PDE4B: variants seen among roughly 807,000 people sequenced by gnomAD.
The protein encoded by PDE4B is phosphodiesterase 4B.
In PDE4B, 20 loss-of-function variants were observed where a neutral mutation model predicts 82.2. The observed-to-expected ratio is 0.24, with a 90% confidence interval of 0.17 to 0.35. The LOEUF is 0.35. Ranked by LOEUF, PDE4B falls within the 10% of genes least tolerant of loss-of-function variation. The pLI is 1.00. For missense variants in PDE4B, 655 were observed against 907.2 expected (o/e 0.72, Z 3.57); for synonymous variants, 320 against 318.9 (o/e 1.00, Z -0.04).
intron 1 of PDE4B, among the ~76,000 whole-genome samples, chr1:65,899,783 G>A (rs1646951055): frequency 6.6e-6 from 1 of 151,742 alleles, no homozygotes; most frequent in Non-Finnish European, 1.5e-5. Context: ...CTCAGGAATG[G>A]AAAACCAAAC....
chr1:65,905,328 A>G (rs1157031047), intron 1 of PDE4B, among the ~76,000 whole-genome samples: 1 of 152,154 alleles, frequency 6.6e-6, no homozygotes, highest in African/African-American at 2.4e-5. Context: ...AAGACATGTT[A>G]TAGTGTAGGA....
At chr1:66,007,436 A>C (rs1323625783) in intron 3 of PDE4B, among the ~76,000 whole-genome samples, 1 of 151,984 alleles carries the variant, frequency 6.6e-6, no homozygotes, top group East Asian at 1.9e-4. Context: ...AGAACAAGAA[A>C]AACGAACAAA....
At chr1:65,949,183 T>G (rs1362610138) in intron 3 of PDE4B, among the ~76,000 whole-genome samples, 1 of 152,062 alleles carries the variant, frequency 6.6e-6, no homozygotes, top group Non-Finnish European at 1.5e-5. Context: ...CATAACAATA[T>G]CTCACATCAT....
rs1653447515 is a variant in PDE4B at position 66,026,598 on chromosome 1, A to G, written c.281+107763A>G. ...GTTTGTTGTGAGAATACCACAGGTT[A>G]ATATATAAAAGTTCTGAGGACTAGC... On this transcript the variant is annotated intron_variant, in intron 3 of 16. Coordinates refer to ENST00000341517, the MANE Select transcript of PDE4B (RefSeq NM_002600.4). 2.6e-5 allele frequency among the ~76,000 whole-genome samples: 4 copies of G among 152,230 alleles called. No individual in the cohort carries two copies. In the South Asian group the frequency reaches 8.3e-4, roughly 31 times the overall value.
rs140203850 is a variant in PDE4B, at chr1:66,324,769, G to C, written c.635-7739G>C. Among the ~76,000 whole-genome samples, 530 of 152,220 alleles carry C rather than the reference G, an allele frequency of 3.5e-3. 4 individuals carry two copies. The highest frequency in any genetic ancestry group is 0.012 in the African/African-American group (512 of 41,536). ...GTTCTGCCTAAAGAAAGGCTATATA[G>C]GGCTTGCAAACTTTGGTCTTGGAAG... On this transcript the variant is annotated intron_variant, in intron 7 of 16. Transcript: ENST00000341517.
At chr1:66,224,945 A>C (rs371093417) in intron 3 of PDE4B, among the ~76,000 whole-genome samples, 1 of 152,216 alleles carries the variant, frequency 6.6e-6, no homozygotes, top group African/African-American at 2.4e-5. Context: ...AGAAGAAATC[A>C]CAAGAGAGCT....
chr1:66,098,229 A>G (rs760855049), intron 3 of PDE4B, among the ~76,000 whole-genome samples: 2 of 152,096 alleles, frequency 1.3e-5, no homozygotes, highest in African/African-American at 2.4e-5. Context: ...ATCTCAGTGC[A>G]GCTCCTTCAT....
At chr1:66,366,037 A>G (rs1663219556) in intron 13 of PDE4B, among the ~76,000 whole-genome samples, 1 of 152,144 alleles carries the variant, frequency 6.6e-6, no homozygotes, top group Admixed American at 6.6e-5. Flanking sequence ...AGAATAATAG[A>G]TATGGAATTA....
At position 66,137,350 on chromosome 1, in the gene PDE4B, G is replaced by A. The variant is rs1298961513; in HGVS notation, c.282-110110G>A. On this transcript the variant is annotated intron_variant, in intron 3 of 16. Coordinates refer to ENST00000341517, the MANE Select transcript of PDE4B (RefSeq NM_002600.4). Reference sequence around the variant, plus strand: ...AGGGGTAGCTCATCCGCTGAAAAAGGAGAAGTGTGACATAAGCATGCATTT... The same window carrying A: ...AGGGGTAGCTCATCCGCTGAAAAAGAAGAAGTGTGACATAAGCATGCATTT... Among the ~76,000 whole-genome samples, 3 of 152,210 alleles carry A rather than the reference G, an allele frequency of 2.0e-5. No homozygotes were observed. The East Asian group carries it at 5.8e-4, about 29-fold the overall frequency.
At chr1:66,023,189 G>A (rs1466794338) in intron 3 of PDE4B, among the ~76,000 whole-genome samples, 1 of 152,108 alleles carries the variant, frequency 6.6e-6, no homozygotes, top group Non-Finnish European at 1.5e-5. Context: ...CTGTCATCCT[G>A]GTGGATCTAA....
At chr1:65,910,125 C>G (rs1381163935) in intron 1 of PDE4B, among the ~76,000 whole-genome samples, 2 of 152,172 alleles carry the variant, frequency 1.3e-5, no homozygotes, top group African/African-American at 4.8e-5. Context: ...TTGTGCCTAG[C>G]TCATTTGGTT....
At chr1:66,270,979 G>T (rs1369819400) in intron 7 of PDE4B, among the ~76,000 whole-genome samples, 2 of 152,188 alleles carry the variant, frequency 1.3e-5, no homozygotes, top group African/African-American at 4.8e-5. Context: ...CAGTTATTTT[G>T]AGAATAATTT....
chr1:66,355,700 C>A, intron 9 of PDE4B, 80 bp downstream of exon 9: 2 of 749,476 alleles, frequency 2.7e-6, no homozygotes, highest in Non-Finnish European at 2.2e-6. Context: ...AGGACATCCT[C>A]ATGTGAATTT....
chr1:65,858,711 A>G (rs12751825), intron 1 of PDE4B, among the ~76,000 whole-genome samples: 24,639 of 152,034 alleles, frequency 0.16, 2,563 homozygotes, highest in Non-Finnish European at 0.23. Context: ...TTTTCTGTCT[A>G]TATCTTCTGG....
intron 3 of PDE4B, among the ~76,000 whole-genome samples, chr1:65,996,485 A>G (rs1286749554): frequency 6.6e-6 from 1 of 152,132 alleles, no homozygotes; most frequent in African/African-American, 2.4e-5. Context: ...GCTGTGAGCA[A>G]GAAGAGAAAA....
intron 1 of PDE4B, among the ~76,000 whole-genome samples, chr1:65,829,213 A>C (rs541156641): frequency 1.3e-5 from 2 of 152,344 alleles, no homozygotes; most frequent in South Asian, 4.1e-4. Flanking sequence ...ATATTATCAG[A>C]GACAAACAGA....
intron 7 of PDE4B, among the ~76,000 whole-genome samples, chr1:66,271,832 GCAAAT>G (rs1159367103): frequency 2.0e-5 from 3 of 152,096 alleles, no homozygotes; most frequent in Non-Finnish European, 4.4e-5. Flanking sequence ...AATTATTTAG[GCAAAT>G]CACTATTGTC....
chr1:65,843,187 A>G (rs1646228719), intron 1 of PDE4B, among the ~76,000 whole-genome samples: 2 of 152,140 alleles, frequency 1.3e-5, no homozygotes. Flanking sequence ...AAAAGAGGTT[A>G]TATAGGAGGT....
chr1:65,852,768 C>A (rs544181411), intron 1 of PDE4B, among the ~76,000 whole-genome samples: 3 of 152,078 alleles, frequency 2.0e-5, no homozygotes, highest in African/African-American at 7.2e-5. Flanking sequence ...TGAATGATTA[C>A]AGTTCTTTTA....
Sources: gnomAD v4.1 joint callset for allele counts (sites outside exome capture counted in the v4.1 genomes callset) on GRCh38, gnomAD v4.1.1 for gene constraint, MANE v1.5 for transcripts, NCBI Gene and HGNC (gene_info 2026-07-23, HGNC 2026-07-21) for gene names.